Variants in SCAPER observed in about 807,000 individuals in gnomAD.
SCAPER encodes the protein S-phase cyclin A associated protein in the ER.
A neutral mutation model predicts 182.2 loss-of-function variants in SCAPER; 98 were observed. The observed-to-expected ratio is 0.54, with a 90% confidence interval of 0.46 to 0.64. SCAPER has a LOEUF of 0.64. SCAPER is among the 30% of genes least tolerant of loss of function. The pLI, the probability that SCAPER is intolerant of heterozygous loss-of-function variation, is 0.00. For synonymous variants in SCAPER, 605 were observed against 564.6 expected (o/e 1.07, Z -1.01); for missense variants, 1,432 against 1,690.0 (o/e 0.85, Z 2.68).
At chr15:76,575,365 C>G (rs1270522362) in intron 22 of SCAPER, among the ~76,000 whole-genome samples, 5 of 152,140 alleles carry the variant, frequency 3.3e-5, no homozygotes, top group African/African-American at 1.2e-4. Flanking sequence ...ATTCCCCACT[C>G]TCTTCAAAAG....
chr15:76,834,943 C>G (rs1471065647), intron 5 of SCAPER, among the ~76,000 whole-genome samples: 2 of 152,048 alleles, frequency 1.3e-5, no homozygotes, highest in African/African-American at 4.8e-5. Context: ...CTGAACCAGA[C>G]AGATTCACAG....
chr15:76,827,283 A>T (rs917458670), intron 5 of SCAPER, among the ~76,000 whole-genome samples: 1 of 152,136 alleles, frequency 6.6e-6, no homozygotes, highest in Non-Finnish European at 1.5e-5. Flanking sequence ...CCAGTTCCCA[A>T]ATGAGACACT....
chr15:76,410,762 G>T, intron 26 of SCAPER, among the ~76,000 whole-genome samples: 1 of 150,418 alleles, frequency 6.6e-6, no homozygotes, highest in African/African-American at 2.4e-5. Flanking sequence ...TCTTCCTTCA[G>T]TTTAGAAGTG....
chr15:76,883,038 A>T (rs1297733420), intron 2 of SCAPER, among the ~76,000 whole-genome samples: 1 of 152,226 alleles, frequency 6.6e-6, no homozygotes, highest in African/African-American at 2.4e-5. Context: ...CCTATCAAAA[A>T]TACCAAAATC....
chr15:76,769,597 A>G (rs1233383835), intron 10 of SCAPER, among the ~76,000 whole-genome samples: 12 of 152,218 alleles, frequency 7.9e-5, no homozygotes, highest in Admixed American at 7.9e-4. Flanking sequence ...AGAGAAATGC[A>G]AATCAAAACC....
chr15:76,889,417 T>G (rs148947416), intron 1 of SCAPER, among the ~76,000 whole-genome samples: 9,383 of 152,234 alleles, frequency 0.062, 356 homozygotes, highest in Middle Eastern at 0.16. Context: ...TGTGCTGTAT[T>G]CAGGAGACCC....
intron 23 of SCAPER, among the ~76,000 whole-genome samples, chr15:76,565,684 TCTC>T (rs1243758964): frequency 6.6e-6 from 1 of 152,110 alleles, no homozygotes; most frequent in East Asian, 1.9e-4. Context: ...TCCAGTAAAT[TCTC>T]CTTCTCTCAA....
intron 23 of SCAPER, among the ~76,000 whole-genome samples, chr15:76,557,538 G>A (rs1218437571): frequency 6.6e-6 from 1 of 152,172 alleles, no homozygotes; most frequent in Non-Finnish European, 1.5e-5. Context: ...GTGAATTCTT[G>A]TGAGATCTGT....
intron 24 of SCAPER, among the ~76,000 whole-genome samples, chr15:76,476,896 T>C (rs1216907718): frequency 2.6e-5 from 3 of 115,680 alleles, no homozygotes; most frequent in Non-Finnish European, 5.3e-5. Flanking sequence ...TCTCTTACTA[T>C]TCTGTCCAAT....
intron 21 of SCAPER, among the ~76,000 whole-genome samples, chr15:76,626,683 C>T (rs1028774186): frequency 6.6e-6 from 1 of 152,226 alleles, no homozygotes; most frequent in Non-Finnish European, 1.5e-5. Flanking sequence ...CACCACTGCA[C>T]TCCAGCCTGG....
intron 25 of SCAPER, among the ~76,000 whole-genome samples, chr15:76,463,370 C>T (rs530533742): frequency 3.7e-4 from 56 of 152,264 alleles, no homozygotes; most frequent in Non-Finnish European, 6.0e-4. Context: ...TGGCTCTGCA[C>T]ATGACTAAGT....
At chr15:76,738,685 A>AT (rs1338025823) in intron 15 of SCAPER, among the ~76,000 whole-genome samples, 1 of 152,184 alleles carries the variant, frequency 6.6e-6, no homozygotes, top group African/African-American at 2.4e-5. Flanking sequence ...GAGCAGTCAG[A>AT]ACACACAAAA....
intron 2 of SCAPER, among the ~76,000 whole-genome samples, chr15:76,869,834 T>C (rs1599193810): frequency 1.3e-5 from 2 of 152,248 alleles, no homozygotes; most frequent in East Asian, 3.9e-4. Flanking sequence ...TATTCACATA[T>C]ATGGAATCAA....
At chr15:76,884,421 C>T (rs1014126486) in intron 1 of SCAPER, among the ~76,000 whole-genome samples, 1 of 152,126 alleles carries the variant, frequency 6.6e-6, no homozygotes, top group Non-Finnish European at 1.5e-5. Flanking sequence ...TACAACAGCC[C>T]GTACCTTTCA....
intron 23 of SCAPER, among the ~76,000 whole-genome samples, chr15:76,524,689 G>GTTTTTTT (rs35944222): frequency 1.4e-4 from 7 of 50,108 alleles, no homozygotes; most frequent in East Asian, 1.5e-3. Flanking sequence ...TTTTTGTTCT[G>GTTTTTTT]TTTTTTTTTT....
chr15:76,406,500 T>C (rs1336151178), intron 26 of SCAPER, among the ~76,000 whole-genome samples: 1 of 151,790 alleles, frequency 6.6e-6, no homozygotes, highest in Non-Finnish European at 1.5e-5. Context: ...TCAAGTGTTT[T>C]GACTGGGTAA....
intron 20 of SCAPER, among the ~76,000 whole-genome samples, chr15:76,672,463 C>CA (rs1241017766): frequency 1.3e-5 from 2 of 151,786 alleles, no homozygotes; most frequent in African/African-American, 4.8e-5. Flanking sequence ...GAAACACACA[C>CA]AAAAAATGAT....
chr15:76,822,007 G>A (rs1268786319), intron 5 of SCAPER, among the ~76,000 whole-genome samples: 1 of 152,204 alleles, frequency 6.6e-6, no homozygotes, highest in Non-Finnish European at 1.5e-5. Context: ...GTGGGGGACT[G>A]GGGAAGAATT....
At chr15:76,891,177 A>G (rs2074142517) in intron 1 of SCAPER, among the ~76,000 whole-genome samples, 2 of 152,220 alleles carry the variant, frequency 1.3e-5, no homozygotes, top group Non-Finnish European at 2.9e-5. Context: ...TCTCAAAATA[A>G]TAACAGCTAT....
Sources: allele counts gnomAD v4.1 joint callset (sites outside exome capture counted in the v4.1 genomes callset), GRCh38; gene constraint gnomAD v4.1.1; transcripts MANE v1.5; gene names NCBI Gene and HGNC (gene_info 2026-07-23, HGNC 2026-07-21).